Variants in CPE observed in about 807,000 individuals in gnomAD.
CPE encodes the protein carbocypeptidase E.
CPE carries 17 observed loss-of-function variants against 53.5 expected under a neutral mutation model. That is an observed-to-expected ratio of 0.32 (90% CI 0.22 to 0.48). The LOEUF (loss-of-function observed/expected upper bound fraction) is 0.48, where lower values mean the gene tolerates loss of function less well. CPE is among the 20% of genes least tolerant of loss of function. CPE has a pLI of 0.99. For missense variants in CPE, 524 were observed against 614.7 expected (o/e 0.85, Z 1.56); for synonymous variants, 226 against 228.8 (o/e 0.99, Z 0.11).
At position 165,379,524 on chromosome 4, in the gene CPE, G is replaced by A. The variant is rs767657594; in HGVS notation, c.303G>A (p.Glu101=). 380 of 1,575,218 alleles carry A rather than the reference G, an allele frequency of 2.4e-4. No homozygotes were observed. Among genetic ancestry groups the A allele is most frequent in the South Asian group, 6.0e-4 (52 of 87,264 alleles). The change falls in exon 1 of 9, where the codon GAG becomes GAA. Residue 101 remains glutamate (E), a synonymous_variant. Transcript: ENST00000402744. This position sits in a 1 kb window ranked among gnomAD's most constrained non-coding sequence, Gnocchi z 6.0. ...IELSDNPGVH[E]PGEPEFKYIG... is the part of the protein sequence containing the mutation. ...TGTCCGACAACCCTGGCGTCCATGAGCCTGGTAAGGGCGCTGCCCCCTGAC... is the reference window on the plus strand; with the variant it reads ...TGTCCGACAACCCTGGCGTCCATGAACCTGGTAAGGGCGCTGCCCCCTGAC...
At chr4:165,451,914 C>A (rs959680723) in intron 1 of CPE, among the ~76,000 whole-genome samples, 2 of 152,018 alleles carry the variant, frequency 1.3e-5, no homozygotes, top group African/African-American at 4.8e-5. Context: ...AAGCCACGTA[C>A]CGCCCCCCCA....
intron 8 of CPE, among the ~76,000 whole-genome samples, chr4:165,496,345 CAA>C (rs1732705356): frequency 6.6e-6 from 1 of 152,104 alleles, no homozygotes; most frequent in Admixed American, 6.5e-5. Flanking sequence ...TTTATGCAAA[CAA>C]AATATCTTGA....
chr4:165,405,204 T>A (rs548284328), intron 1 of CPE: 2 of 784,304 alleles, frequency 2.6e-6, no homozygotes, highest in East Asian at 2.4e-5. Context: ...TTAAGTATAG[T>A]CTTTCGCCCC....
At position 165,467,819 on chromosome 4, in the gene CPE, G is replaced by A. The variant is rs762682435; in HGVS notation, c.636G>A (p.Leu212=). Residue 212 remains leucine (L), a synonymous_variant, in exon 3 of 9, where the codon TTG becomes TTA. Coordinates refer to ENST00000402744, the MANE Select transcript of CPE (RefSeq NM_001873.4). ...AAGGTGGTCCAAATAATCATCTGTTGAAAAATATGAAGAAAATTGTGGATC... is the reference window on the plus strand; with the variant it reads ...AAGGTGGTCCAAATAATCATCTGTTAAAAAATATGAAGAAAATTGTGGATC... The part of the protein sequence containing the change: ...EKEGGPNNHL[L]KNMKKIVDQN... 3 of 1,613,714 alleles carry A rather than the reference G, an allele frequency of 1.9e-6. No homozygotes were observed. In the South Asian group the frequency reaches 3.3e-5, roughly 18 times the overall value.
chr4:165,433,703 G>T (rs73009320), intron 1 of CPE, among the ~76,000 whole-genome samples: 2,241 of 152,288 alleles, frequency 0.015, 41 homozygotes, highest in African/African-American at 0.04. Flanking sequence ...ACAACAGACC[G>T]CAGCAGGATT....
chr4:165,488,970 T>C (rs555442532), intron 6 of CPE, among the ~76,000 whole-genome samples: 52 of 152,338 alleles, frequency 3.4e-4, no homozygotes, highest in Non-Finnish European at 4.9e-4. Flanking sequence ...TGATGTCAGA[T>C]GGTGATTAAA....
At chr4:165,468,091 G>A (rs1732140700) in intron 3 of CPE, among the ~76,000 whole-genome samples, 1 of 151,992 alleles carries the variant, frequency 6.6e-6, no homozygotes, top group African/African-American at 2.4e-5. Context: ...CCCAGTTGTA[G>A]GTTTCTTAGA....
chr4:165,445,483 A>T (rs1179746472), intron 1 of CPE, among the ~76,000 whole-genome samples: 1 of 152,172 alleles, frequency 6.6e-6, no homozygotes, highest in African/African-American at 2.4e-5. Flanking sequence ...GAAAAAATGA[A>T]AGAAATGACA....
chr4:165,396,709 A>G (rs181744250), intron 1 of CPE, among the ~76,000 whole-genome samples: 1 of 151,270 alleles, frequency 6.6e-6, no homozygotes, highest in Non-Finnish European at 1.5e-5. Flanking sequence ...TAAAAACAAT[A>G]AGATAGACGG....
chr4:165,401,400 G>T (rs1364497944), intron 1 of CPE, among the ~76,000 whole-genome samples: 1 of 152,202 alleles, frequency 6.6e-6, no homozygotes, highest in African/African-American at 2.4e-5. Context: ...TCAACATGTG[G>T]ATAAGAACTT....
At chr4:165,448,965 A>G (rs1005616832) in intron 1 of CPE, among the ~76,000 whole-genome samples, 11 of 152,180 alleles carry the variant, frequency 7.2e-5, no homozygotes, top group African/African-American at 2.7e-4. Context: ...TAAACTCCTG[A>G]TGCCCTAGGT....
chr4:165,480,278 T>A (rs1732382418), intron 3 of CPE, among the ~76,000 whole-genome samples: 1 of 152,188 alleles, frequency 6.6e-6, no homozygotes, highest in African/African-American at 2.4e-5. Context: ...TGGAATACAT[T>A]TTTAAATGTA....
chr4:165,424,110 A>G (rs1489274065), intron 1 of CPE, among the ~76,000 whole-genome samples: 4 of 147,064 alleles, frequency 2.7e-5, no homozygotes, highest in Non-Finnish European at 6.0e-5. Context: ...TTTGCCATAT[A>G]TAACTTCTTG....
At chr4:165,489,733 C>G (rs1732568585) in intron 6 of CPE, among the ~76,000 whole-genome samples, 1 of 152,112 alleles carries the variant, frequency 6.6e-6, no homozygotes. Context: ...TTCTTACCAT[C>G]AGGAAAAAGG....
chr4:165,380,951 C>A (rs1322723913), intron 1 of CPE, among the ~76,000 whole-genome samples: 3 of 152,130 alleles, frequency 2.0e-5, no homozygotes, highest in African/African-American at 4.8e-5. Context: ...AATGTGATAA[C>A]TGATTTTCAG....
At chr4:165,433,392 G>A (rs1341563910) in intron 1 of CPE, among the ~76,000 whole-genome samples, 5 of 152,030 alleles carry the variant, frequency 3.3e-5, no homozygotes, top group Admixed American at 6.6e-5. Flanking sequence ...CTGGTCTCTC[G>A]GAGCTCAAGG....
chr4:165,475,258 T>G (rs1732276431), intron 3 of CPE, among the ~76,000 whole-genome samples: 1 of 152,024 alleles, frequency 6.6e-6, no homozygotes, highest in Non-Finnish European at 1.5e-5. Flanking sequence ...ACAAAGTACT[T>G]AAAAAGTCAC....
intron 8 of CPE, among the ~76,000 whole-genome samples, chr4:165,495,906 T>A (rs889442903): frequency 2.6e-5 from 4 of 152,216 alleles, no homozygotes; most frequent in Non-Finnish European, 5.9e-5. Flanking sequence ...AATAAAACTT[T>A]AAAAAATTAA....
chr4:165,401,590 A>G (rs1487251016), intron 1 of CPE, among the ~76,000 whole-genome samples: 1 of 152,278 alleles, frequency 6.6e-6, no homozygotes, highest in African/African-American at 2.4e-5. Flanking sequence ...AGTTAATGGC[A>G]CACAACATAC....
Sources: gnomAD v4.1 joint callset for allele counts (sites outside exome capture counted in the v4.1 genomes callset) on GRCh38, gnomAD v4.1.1 for gene constraint, Gnocchi (gnomAD v3.1) non-coding constraint, MANE v1.5 for transcripts, NCBI Gene and HGNC (gene_info 2026-07-23, HGNC 2026-07-21) for gene names.